MDGA2: variants seen among roughly 807,000 people sequenced by gnomAD.
MDGA2 encodes MAM domain containing glycosylphosphatidylinositol anchor 2.
Under a neutral mutation model 117.8 loss-of-function variants are expected in MDGA2, and 40 were observed. That is an observed-to-expected ratio of 0.34 (90% confidence interval 0.26 to 0.44). MDGA2 has a LOEUF of 0.44. MDGA2 is among the 20% of genes least tolerant of loss of function. The pLI, the probability that MDGA2 is intolerant of heterozygous loss-of-function variation, is 1.00. For missense variants in MDGA2, 1,123 were observed against 1,250.6 expected, an observed-to-expected ratio of 0.90 and a Z score of 1.54; for synonymous variants, 452 against 439.0, an observed-to-expected ratio of 1.03 and a Z score of -0.37.
At chr14:47,629,964 T>C (rs1304007579) in intron 1 of MDGA2, among the ~76,000 whole-genome samples, 3 of 152,126 alleles carry the variant, frequency 2.0e-5, no homozygotes, top group Non-Finnish European at 2.9e-5. Context: ...GTGATACTGA[T>C]ACTGCTGGTC....
intron 1 of MDGA2, among the ~76,000 whole-genome samples, chr14:47,438,676 C>T (rs1040857180): frequency 6.6e-6 from 1 of 152,086 alleles, no homozygotes; most frequent in African/African-American, 2.4e-5. Context: ...GTCAGCAATG[C>T]AAAAAGCAAA....
chr14:46,843,168 T>A (rs538573668), intron 16 of MDGA2, among the ~76,000 whole-genome samples: 1 of 152,246 alleles, frequency 6.6e-6, no homozygotes, highest in East Asian at 1.9e-4. Context: ...TATAAAAATG[T>A]TCTATTGTAA....
At chr14:47,242,118 A>C (rs1887061830) in intron 2 of MDGA2, among the ~76,000 whole-genome samples, 1 of 151,882 alleles carries the variant, frequency 6.6e-6, no homozygotes, top group Non-Finnish European at 1.5e-5. Flanking sequence ...GATTGCTACT[A>C]TTTCATTTAG....
rs551195812 is a variant in MDGA2 at position 47,380,902 on chromosome 14, C to CA, written c.281-79353dup. On this transcript the variant is annotated intron_variant, in intron 1 of 16. Coordinates refer to ENST00000399232, the MANE Select transcript of MDGA2 (RefSeq NM_001113498.3). ...CTGATACCAAAGCCTGGCAGAGACA[C>CA]ACAAAAAAAGAGAATTTTAGACCAA... 3.7e-4 allele frequency among the ~76,000 whole-genome samples: 56 copies of CA among 151,904 alleles called. No homozygotes were observed. The South Asian group carries it at 6.4e-3, about 17-fold the overall frequency.
intron 6 of MDGA2, among the ~76,000 whole-genome samples, chr14:47,086,113 T>C (rs1056322903): frequency 3.0e-5 from 4 of 131,342 alleles, no homozygotes; most frequent in African/African-American, 1.0e-4. Context: ...TTTTGTTTTT[T>C]GTTTTTTGTT....
intron 12 of MDGA2, among the ~76,000 whole-genome samples, chr14:46,874,421 ATAAT>A (rs1034575468): frequency 6.6e-6 from 1 of 151,886 alleles, no homozygotes; most frequent in Admixed American, 6.6e-5. Context: ...ATCTTATTGA[ATAAT>A]TAAGACTCAA....
rs1163885138 is a variant in MDGA2 at position 47,527,735 on chromosome 14, C to G, written c.280+146782G>C. ...TGCATTTGACCCTCATAATATCAGC[C>G]TTGGAGGCTTCAATGGAACTATTTT... is the stretch of plus-strand genomic sequence containing the variant. On this transcript the variant is annotated intron_variant, in intron 1 of 16. Coordinates refer to ENST00000399232, the MANE Select transcript of MDGA2 (RefSeq NM_001113498.3). 2.0e-5 allele frequency among the ~76,000 whole-genome samples: 3 copies of G among 152,290 alleles called. 1 individual carries two copies. The highest frequency in any genetic ancestry group is 7.2e-5 in the African/African-American group (3 of 41,552).
chr14:46,919,603 A>T (rs1253338766), intron 10 of MDGA2, among the ~76,000 whole-genome samples: 1 of 152,200 alleles, frequency 6.6e-6, no homozygotes, highest in African/African-American at 2.4e-5. Flanking sequence ...TGAACCCCTA[A>T]AGCAAAAATA....
intron 6 of MDGA2, among the ~76,000 whole-genome samples, chr14:47,075,280 T>C (rs1890449819): frequency 6.6e-6 from 1 of 152,194 alleles, no homozygotes; most frequent in African/African-American, 2.4e-5. Context: ...ACTCTCAAGC[T>C]TCCTGAAAAC....
chr14:47,360,593 G>A (rs12883877), intron 1 of MDGA2, among the ~76,000 whole-genome samples: 16,272 of 151,968 alleles, frequency 0.11, 987 homozygotes, highest in Middle Eastern at 0.15. Flanking sequence ...CAAGGGTATC[G>A]AGAAAAGGAA....
At chr14:47,111,699 A>G (rs1881046729) in intron 5 of MDGA2, among the ~76,000 whole-genome samples, 1 of 152,168 alleles carries the variant, frequency 6.6e-6, no homozygotes, top group South Asian at 2.1e-4. Context: ...TTTAAAATGG[A>G]AAGACTTCTT....
intron 1 of MDGA2, among the ~76,000 whole-genome samples, chr14:47,318,611 T>C (rs1033206018): frequency 7.2e-5 from 11 of 152,116 alleles, no homozygotes; most frequent in African/African-American, 2.7e-4. Context: ...ATAAACTCCT[T>C]ACAAGCAAGA....
intron 4 of MDGA2, among the ~76,000 whole-genome samples, chr14:47,137,973 T>C (rs1882538201): frequency 6.6e-6 from 1 of 152,134 alleles, no homozygotes; most frequent in Non-Finnish European, 1.5e-5. Flanking sequence ...GTAATACAGA[T>C]GAAGTCTGTT....
chr14:47,392,825 T>C (rs919676054), intron 1 of MDGA2, among the ~76,000 whole-genome samples: 1 of 152,000 alleles, frequency 6.6e-6, no homozygotes, highest in African/African-American at 2.4e-5. Flanking sequence ...ATAAAACACA[T>C]AAGTCTGTTA....
chr14:47,450,381 AT>A (rs545500231), intron 1 of MDGA2, among the ~76,000 whole-genome samples: 540 of 152,200 alleles, frequency 3.5e-3, no homozygotes, highest in Admixed American at 6.9e-3. Flanking sequence ...TCAGACTTAA[AT>A]GAGCATCATC....
chr14:47,436,691 T>TA (rs1407227522), intron 1 of MDGA2, among the ~76,000 whole-genome samples: 5 of 152,080 alleles, frequency 3.3e-5, no homozygotes, highest in Admixed American at 1.3e-4. Context: ...GCTGATGAGG[T>TA]AAAAAAATCA....
intron 1 of MDGA2, among the ~76,000 whole-genome samples, chr14:47,354,186 A>C (rs1460450899): frequency 6.6e-6 from 1 of 152,232 alleles, no homozygotes; most frequent in African/African-American, 2.4e-5. Flanking sequence ...CCCGCAGCTA[A>C]CATCATAATC....
intron 2 of MDGA2, among the ~76,000 whole-genome samples, chr14:47,284,301 T>A (rs893977189): frequency 1.3e-5 from 2 of 152,132 alleles, no homozygotes; most frequent in Non-Finnish European, 2.9e-5. Flanking sequence ...TTGAGTGTAA[T>A]GTGACTGAAT....
intron 6 of MDGA2, among the ~76,000 whole-genome samples, chr14:47,083,682 A>G (rs1020917128): frequency 6.6e-6 from 1 of 152,112 alleles, no homozygotes; most frequent in Non-Finnish European, 1.5e-5. Context: ...TATATTATCT[A>G]TAAGAAATTC....
Sources: allele counts gnomAD v4.1 joint callset (sites outside exome capture counted in the v4.1 genomes callset), GRCh38; gene constraint gnomAD v4.1.1; transcripts MANE v1.5; gene names NCBI Gene and HGNC (gene_info 2026-07-23, HGNC 2026-07-21).